Variants in RAD51C observed in about 807,000 individuals in gnomAD.
The protein encoded by RAD51C is DNA repair protein RAD51 homolog 3.
In RAD51C, 42 loss-of-function variants were observed where a neutral mutation model predicts 45.0. The ratio of observed to expected loss-of-function variants is 0.93; its 90% CI spans 0.73 to 1.21. The LOEUF is 1.21. Ranked by LOEUF, RAD51C falls within the 50% of genes most tolerant of loss-of-function variation. RAD51C has a pLI of 0.00. For missense variants in RAD51C, 474 were observed against 452.2 expected (o/e 1.05, Z -0.44); for synonymous variants, 172 against 159.8 (o/e 1.08, Z -0.58).
At chr17:58,731,560 A>G (rs1346727364) in intron 7 of RAD51C, among the ~76,000 whole-genome samples, 1 of 152,146 alleles carries the variant, frequency 6.6e-6, no homozygotes, top group Non-Finnish European at 1.5e-5. Context: ...CGCCCAGCCA[A>G]AAAGCAGTCT....
At chr17:58,715,231 C>T (rs2048690927) in intron 5 of RAD51C, among the ~76,000 whole-genome samples, 1 of 151,950 alleles carries the variant, frequency 6.6e-6, no homozygotes, top group South Asian at 2.1e-4. Flanking sequence ...GTGGGTGGAT[C>T]ACCTGAGGTC....
chr17:58,729,497 G>A (rs756791994), intron 7 of RAD51C, among the ~76,000 whole-genome samples: 3 of 151,844 alleles, frequency 2.0e-5, no homozygotes, highest in East Asian at 1.9e-4. Context: ...TTACAGGTGT[G>A]AGCCACCGCG....
At chr17:58,711,981 G>A (rs765262985) in intron 5 of RAD51C, among the ~76,000 whole-genome samples, 13 of 151,890 alleles carry the variant, frequency 8.6e-5, no homozygotes, top group Admixed American at 6.6e-4. Context: ...TGGGAGGACC[G>A]CCTGAAGCCA....
At chr17:58,693,369 C>T (rs529834200) in intron 1 of RAD51C, 1 of 160,196 alleles carries the variant, frequency 6.2e-6, no homozygotes, top group East Asian at 1.9e-4. Context: ...AGATGGGAAC[C>T]ACTGCATCCT....
chr17:58,698,208 G>C (rs1318013324), intron 3 of RAD51C, among the ~76,000 whole-genome samples: 1 of 135,988 alleles, frequency 7.4e-6, no homozygotes, highest in African/African-American at 2.8e-5. Context: ...TTTGAGACAG[G>C]GTCTCACTCT....
At chr17:58,694,550 G>C (rs1417367163) in intron 1 of RAD51C, 2 of 279,946 alleles carry the variant, frequency 7.1e-6, no homozygotes, top group Admixed American at 9.6e-5. Flanking sequence ...GTGCGATCCA[G>C]GCTGGAGTGC....
intron 4 of RAD51C, among the ~76,000 whole-genome samples, chr17:58,708,124 C>A (rs1286078657): frequency 6.6e-6 from 1 of 152,124 alleles, no homozygotes; most frequent in African/African-American, 2.4e-5. Flanking sequence ...TGCACATATT[C>A]CCAGCTGACG....
chr17:58,710,324 A>AT (rs2048514726), intron 5 of RAD51C, among the ~76,000 whole-genome samples: 1 of 150,060 alleles, frequency 6.7e-6, no homozygotes, highest in Admixed American at 6.7e-5. Flanking sequence ...TACTAAAAAA[A>AT]AAAAAAAAAA....
At chr17:58,715,411 G>A (rs1206942604) in intron 5 of RAD51C, among the ~76,000 whole-genome samples, 1 of 139,790 alleles carries the variant, frequency 7.2e-6, no homozygotes, top group Non-Finnish European at 1.5e-5. Flanking sequence ...CCAGGACCGC[G>A]CCATTGCACT....
chr17:58,705,140 AT>A (rs894172179), intron 4 of RAD51C, among the ~76,000 whole-genome samples: 9 of 151,986 alleles, frequency 5.9e-5, no homozygotes, highest in Admixed American at 5.2e-4. Context: ...AAATTAATAA[AT>A]AAAAATTAAA....
intron 3 of RAD51C, among the ~76,000 whole-genome samples, chr17:58,700,944 C>T (rs1458720564): frequency 2.0e-5 from 3 of 151,866 alleles, no homozygotes; most frequent in Admixed American, 6.6e-5. Flanking sequence ...TCATCCAGGC[C>T]GGATTGCAGT....
At chr17:58,727,529 T>C (rs2049214875) in intron 7 of RAD51C, among the ~76,000 whole-genome samples, 1 of 152,220 alleles carries the variant, frequency 6.6e-6, no homozygotes, top group Non-Finnish European at 1.5e-5. Flanking sequence ...TGTAGCTTAC[T>C]CCTTTTTTTA....
chr17:58,699,483 C>T (rs1321971947), intron 3 of RAD51C, among the ~76,000 whole-genome samples: 7 of 151,400 alleles, frequency 4.6e-5, no homozygotes, highest in African/African-American at 1.5e-4. Flanking sequence ...TGTCCCATTT[C>T]GCTGATGACC....
chr17:58,727,212 C>T (rs2049196805), intron 7 of RAD51C, among the ~76,000 whole-genome samples: 1 of 151,490 alleles, frequency 6.6e-6, no homozygotes, highest in African/African-American at 2.4e-5. Context: ...TCAACCTCCA[C>T]TTCCTGGGGT....
At chr17:58,733,427 AAGAG>A (rs984147176) in intron 8 of RAD51C, among the ~76,000 whole-genome samples, 9 of 152,308 alleles carry the variant, frequency 5.9e-5, no homozygotes, top group Admixed American at 2.6e-4. Context: ...GGGGAAAAAA[AAGAG>A]AGAGAGAAAT....
At chr17:58,731,500 CTG>C in intron 7 of RAD51C, among the ~76,000 whole-genome samples, 2 of 152,210 alleles carry the variant, frequency 1.3e-5, no homozygotes, top group Non-Finnish European at 2.9e-5. Context: ...CTCAGGTGAT[CTG>C]CCTGCCTTGG....
chr17:58,718,058 G>A (rs1451564812), intron 5 of RAD51C, among the ~76,000 whole-genome samples: 1 of 151,978 alleles, frequency 6.6e-6, no homozygotes, highest in Non-Finnish European at 1.5e-5. Flanking sequence ...GCGCAATGGT[G>A]CAATATTGGC....
chr17:58,696,625 C>G (rs1273878365), intron 2 of RAD51C, 68 bp from the exon 3 acceptor site: 14 of 1,591,354 alleles, frequency 8.8e-6, no homozygotes, highest in Admixed American at 3.3e-5. Context: ...TTGTCATTAT[C>G]TGGAGTTCAA....
At chr17:58,702,692 A>AT (rs1334878154) in intron 3 of RAD51C, among the ~76,000 whole-genome samples, 2 of 134,438 alleles carry the variant, frequency 1.5e-5, no homozygotes, top group African/African-American at 5.5e-5. Context: ...GACTTTATCT[A>AT]AAAAAAAAAA....
Sources: allele counts gnomAD v4.1 joint callset (sites outside exome capture counted in the v4.1 genomes callset), GRCh38; gene constraint gnomAD v4.1.1; transcripts MANE v1.5; gene names NCBI Gene and HGNC (gene_info 2026-07-23, HGNC 2026-07-21).